CNBD1: variants seen among roughly 807,000 people sequenced by gnomAD.
CNBD1 encodes cyclic nucleotide binding domain containing 1.
Under a neutral mutation model 54.4 loss-of-function variants are expected in CNBD1, and 71 were observed. The ratio of observed to expected loss-of-function variants is 1.30; its 90% CI spans 1.08 to 1.59. The LOEUF is 1.59. Among genes scored for constraint, CNBD1 ranks in the 40% most tolerant of loss-of-function variants. The probability of loss-of-function intolerance (pLI) is 0.00; values close to 1 mark genes in which losing one functional copy is unlikely to be tolerated. For missense variants in CNBD1, 659 were observed against 518.0 expected (o/e 1.27, Z -2.64); for synonymous variants, 182 against 170.7 (o/e 1.07, Z -0.51).
At chr8:87,053,934 T>C (rs1177821166) in intron 4 of CNBD1, among the ~76,000 whole-genome samples, 1 of 152,192 alleles carries the variant, frequency 6.6e-6, no homozygotes, top group Non-Finnish European at 1.5e-5. Context: ...GCCATTGCAA[T>C]TGGATGCAGA....
chr8:87,001,867 A>C (rs1281710215), intron 4 of CNBD1, among the ~76,000 whole-genome samples: 1 of 152,120 alleles, frequency 6.6e-6, no homozygotes. Context: ...GTTTCAATCT[A>C]ATGAGTATCA....
chr8:87,269,937 C>T (rs1455696294), intron 6 of CNBD1, among the ~76,000 whole-genome samples: 1 of 151,982 alleles, frequency 6.6e-6, no homozygotes, highest in Non-Finnish European at 1.5e-5. Flanking sequence ...ATGCCAAATC[C>T]TGGCAGAGCT....
At chr8:87,007,098 G>A (rs1453980495) in intron 4 of CNBD1, among the ~76,000 whole-genome samples, 1 of 151,976 alleles carries the variant, frequency 6.6e-6, no homozygotes, top group Non-Finnish European at 1.5e-5. Context: ...TTGGGAGGCT[G>A]AGGCAGGAGA....
intron 8 of CNBD1, among the ~76,000 whole-genome samples, chr8:87,292,065 A>G (rs1808797579): frequency 6.6e-6 from 1 of 152,218 alleles, no homozygotes; most frequent in Non-Finnish European, 1.5e-5. Context: ...AACATTTGGC[A>G]TTAATTCTCT....
intron 1 of CNBD1, among the ~76,000 whole-genome samples, chr8:86,878,712 G>A (rs879476220): frequency 6.6e-6 from 1 of 152,140 alleles, no homozygotes; most frequent in Non-Finnish European, 1.5e-5. Flanking sequence ...TTTAGTGGCT[G>A]CATCCTTCAG....
At chr8:87,261,350 A>G (rs1808136945) in intron 6 of CNBD1, among the ~76,000 whole-genome samples, 1 of 152,034 alleles carries the variant, frequency 6.6e-6, no homozygotes, top group Non-Finnish European at 1.5e-5. Context: ...GGGTTGCTAG[A>G]AGCTTTACTT....
intron 2 of CNBD1, among the ~76,000 whole-genome samples, chr8:87,420,025 C>T (rs1807904388): frequency 6.6e-6 from 1 of 150,644 alleles, no homozygotes; most frequent in Non-Finnish European, 1.5e-5. Flanking sequence ...ATAGAAAGCA[C>T]TATACATAAT....
intron 2 of CNBD1, among the ~76,000 whole-genome samples, chr8:87,388,714 C>A (rs960056383): frequency 2.3e-4 from 35 of 152,152 alleles, no homozygotes; most frequent in African/African-American, 8.2e-4. Context: ...CTATTCCAAT[C>A]AATAGAAAAA....
chr8:87,310,300 A>C (rs1563547016), intron 8 of CNBD1, among the ~76,000 whole-genome samples: 2 of 152,116 alleles, frequency 1.3e-5, no homozygotes, highest in Non-Finnish European at 2.9e-5. Context: ...GGGTGCATTG[A>C]GCTGTGATCA....
At position 87,275,775 on chromosome 8, in the gene CNBD1, G is replaced by T. The variant is rs1331434747; in HGVS notation, c.772-8903G>T. On this transcript the variant is annotated intron_variant, in intron 6 of 10. Coordinates refer to ENST00000518476, the MANE Select transcript of CNBD1 (RefSeq NM_173538.3). The stretch of plus-strand genomic sequence containing the variant: ...GGGTATTCAATTAGGAAAAGAGGAA[G>T]TCAAATTGTCCCTGTTTGCAGATGA... 2.0e-5 allele frequency among the ~76,000 whole-genome samples: 3 copies of T among 151,594 alleles called. No individual in the cohort carries two copies. The Admixed American group carries it at 2.0e-4, about 10-fold the overall frequency.
intron 2 of CNBD1, among the ~76,000 whole-genome samples, chr8:87,419,301 G>A (rs867786788): frequency 6.6e-6 from 1 of 151,970 alleles, no homozygotes; most frequent in African/African-American, 2.4e-5. Context: ...GATCTGAAAA[G>A]AAGTAGAGAT....
intron 8 of CNBD1, among the ~76,000 whole-genome samples, chr8:87,319,328 T>A (rs1325464997): frequency 6.6e-6 from 1 of 152,100 alleles, no homozygotes. Flanking sequence ...TAAAAGGCAA[T>A]GAGCCTCATA....
chr8:86,930,324 C>T (rs907118849), intron 3 of CNBD1, among the ~76,000 whole-genome samples: 2 of 152,028 alleles, frequency 1.3e-5, no homozygotes, highest in African/African-American at 4.8e-5. Flanking sequence ...TGCCTTGTAC[C>T]CTTGATTAGC....
intron 4 of CNBD1, among the ~76,000 whole-genome samples, chr8:87,046,709 A>C (rs1474590192): frequency 6.6e-6 from 1 of 152,188 alleles, no homozygotes; most frequent in Non-Finnish European, 1.5e-5. Context: ...TACAAAGTAT[A>C]GTCATTTATG....
chr8:87,420,279 T>C (rs1807909223), intron 2 of CNBD1, among the ~76,000 whole-genome samples: 1 of 152,018 alleles, frequency 6.6e-6, no homozygotes, highest in Admixed American at 6.6e-5. Flanking sequence ...GGCATTCTTC[T>C]TTAGGAAAAC....
At chr8:87,387,623 A>G (rs1811217624), downstream of CNBD1, among the ~76,000 whole-genome samples, 1 of 152,216 alleles carries the variant, frequency 6.6e-6, no homozygotes, top group South Asian at 2.1e-4. Context: ...TTAGAGACCA[A>G]CAAAGACACT....
intron 8 of CNBD1, among the ~76,000 whole-genome samples, chr8:87,312,232 T>A (rs1037207535): frequency 6.6e-6 from 1 of 152,124 alleles, no homozygotes. Flanking sequence ...TATTTTGACA[T>A]AATCTATTTT....
chr8:87,114,739 G>A (rs1363032961), intron 4 of CNBD1, among the ~76,000 whole-genome samples: 2 of 151,994 alleles, frequency 1.3e-5, no homozygotes, highest in African/African-American at 4.8e-5. Flanking sequence ...GCTGTTCTTG[G>A]GTTTCTTCAT....
chr8:86,923,315 T>A (rs76926742), intron 3 of CNBD1, among the ~76,000 whole-genome samples: 3,057 of 152,316 alleles, frequency 0.02, 106 homozygotes, highest in African/African-American at 0.069. Context: ...CCTATGCAGA[T>A]GAAGGGATGG....
Sources: gnomAD v4.1 joint callset for allele counts (sites outside exome capture counted in the v4.1 genomes callset) on GRCh38, gnomAD v4.1.1 for gene constraint, MANE v1.5 for transcripts, NCBI Gene and HGNC (gene_info 2026-07-23, HGNC 2026-07-21) for gene names.